The following MDN1 variants were observed in gnomAD, a reference collection of about 807,000 sequenced individuals.
MDN1 encodes midasin.
In MDN1, 266 loss-of-function variants were observed where a neutral mutation model predicts 669.2. The ratio of observed to expected loss-of-function variants is 0.40; its 90% CI spans 0.36 to 0.44. The LOEUF (loss-of-function observed/expected upper bound fraction) is 0.44, where lower values mean the gene tolerates loss of function less well. Ranked by LOEUF, MDN1 falls within the 20% of genes least tolerant of loss-of-function variation. The pLI is 1.00. For synonymous variants in MDN1, 2,385 were observed against 2,457.1 expected, an observed-to-expected ratio of 0.97 and a Z score of 0.87; for missense variants, 5,940 against 6,754.0, an observed-to-expected ratio of 0.88 and a Z score of 4.22.
intron 61 of MDN1, among the ~76,000 whole-genome samples, chr6:89,694,413 G>A (rs1384268501): frequency 1.3e-5 from 2 of 152,156 alleles, no homozygotes; most frequent in African/African-American, 4.8e-5. Flanking sequence ...TGCTATAGGA[G>A]CTTAGCCTTC....
chr6:89,802,683 A>C (rs1161209738), intron 2 of MDN1, among the ~76,000 whole-genome samples: 2 of 152,002 alleles, frequency 1.3e-5, no homozygotes, highest in Non-Finnish European at 2.9e-5. Flanking sequence ...GTGGGACTCC[A>C]TCTCACAAAA....
At chr6:89,653,230 T>G in intron 93 of MDN1, 75 bp from the exon 94 acceptor site, 2 of 1,387,624 alleles carry the variant, frequency 1.4e-6, no homozygotes, top group Non-Finnish European at 2.0e-6. Flanking sequence ...TATTGCCTGT[T>G]AATCCTGAAA....
At chr6:89,810,155 G>A (rs1023419637) in intron 1 of MDN1, among the ~76,000 whole-genome samples, 10 of 151,930 alleles carry the variant, frequency 6.6e-5, no homozygotes, top group African/African-American at 9.7e-5. Flanking sequence ...AAAAAACAAG[G>A]CCGGGTATAG....
At chr6:89,763,169 A>T (rs973974064) in intron 15 of MDN1, among the ~76,000 whole-genome samples, 2 of 152,140 alleles carry the variant, frequency 1.3e-5, no homozygotes, top group Non-Finnish European at 2.9e-5. Context: ...AACCATCCAT[A>T]TTTCATTAAG....
rs375685263 is a variant in MDN1, at chr6:89,751,444, C to A, written c.3214G>T (p.Val1072Phe). 2 of 1,614,172 alleles carry A rather than the reference C, an allele frequency of 1.2e-6. No homozygotes were observed. The highest frequency in any genetic ancestry group is 4.5e-5 in the East Asian group (2 of 44,878). Residue 1072 changes from valine to phenylalanine, a missense_variant, in exon 23 of 102, where the codon GTT (valine) becomes TTT (phenylalanine). This residue lies in a region of MDN1 where 15 missense variants were observed against 36.2 expected (regional missense o/e 0.41). Coordinates refer to ENST00000369393, the MANE Select transcript of MDN1 (RefSeq NM_014611.3). ...AAGCCCACACACCCTGCAGAGACAA[C>A]TCGGACTATATCTCTCAGGTTCAGC... ...VKLNLRDIVRVVSAGTYPVLI... is the reference protein window; with the variant it reads ...VKLNLRDIVRFVSAGTYPVLI...
chr6:89,818,209 C>T (rs190441491), intron 1 of MDN1, among the ~76,000 whole-genome samples: 1 of 148,626 alleles, frequency 6.7e-6, no homozygotes, highest in Non-Finnish European at 1.5e-5. Context: ...ATCCCAGTTA[C>T]TCGGGAGGTT....
chr6:89,674,509 T>C lies in MDN1; in HGVS notation c.12842A>G (p.Asp4281Gly), dbSNP rs35134619. 4.1e-5 allele frequency: 66 copies of C among 1,610,536 alleles called. No individual in the cohort carries two copies. The African/African-American group carries it at 6.8e-4, about 17-fold the overall frequency. Residue 4281 changes from aspartate (D) to glycine (G), a missense_variant, in exon 79 of 102, where the codon GAT becomes GGT. Around this residue, in one of 5 missense-constraint regions of MDN1, gnomAD observed 2,280 missense variants for 2,576.3 expected, o/e 0.88. Coordinates refer to ENST00000369393, the MANE Select transcript of MDN1 (RefSeq NM_014611.3). The stretch of plus-strand genomic sequence containing the variant: ...GCGCTCTGTCCACTGCTGCACGCCA[T>C]CCTGAGGGGGGAAGGCCACGGGGTA... ...QAYPVAFPPQ[D>G]GVQQWTERLQ...
chr6:89,787,788 G>A, intron 8 of MDN1, 66 bp downstream of exon 8: 1 of 1,266,314 alleles, frequency 7.9e-7, no homozygotes, highest in South Asian at 1.3e-5. Flanking sequence ...CAGGACCTCT[G>A]GCTCAGCATG....
chr6:89,674,274 T>G lies in MDN1; in HGVS notation c.13077A>C (p.Pro4359=), dbSNP rs779569730. 1 of 1,614,220 alleles carries G rather than the reference T, an allele frequency of 6.2e-7. No homozygotes were observed. The change falls in exon 79 of 102, where the codon CCA becomes CCC. Residue 4359 remains proline, a synonymous_variant. Coordinates refer to ENST00000369393, the MANE Select transcript of MDN1 (RefSeq NM_014611.3). ...GCAGCTGACTTCCAGGTATTGGAGA[T>G]GGGTAGCTCAGATTGGAAGGAATTA... is the stretch of plus-strand genomic sequence containing the variant. ...LDLIPSNLSY[P]SPIPGSQLPS...
intron 67 of MDN1, among the ~76,000 whole-genome samples, 173 bp from the exon 68 acceptor site, chr6:89,687,611 A>G (rs1193247098): frequency 3.9e-5 from 6 of 152,206 alleles, no homozygotes. Context: ...TTCTGTTCAC[A>G]TGACAGAACT....
At chr6:89,743,059 G>T in intron 31 of MDN1, 91 bp downstream of exon 31, 1 of 1,472,322 alleles carries the variant, frequency 6.8e-7, no homozygotes, top group East Asian at 2.3e-5. Flanking sequence ...TGCAGCCTGG[G>T]GTGACAGAGT....
Position 89,653,144 on chromosome 6 carries a change from T to C in MDN1, c.15673A>G (p.Met5225Val). Residue 5225 changes from methionine to valine, a missense_variant, in exon 94 of 102, where the codon ATG becomes GTG. By Grantham distance (21) the Met-to-Val change is conservative. Transcript: ENST00000369393. ...TTAACAGTTTGGATCTCCACTTCCA[T>C]CTCATCAAAGCCTATTTTCATTTAA... ...GTTAPLGFDE[M>V]EVEIQTVKTE... The C allele has an allele frequency of 6.2e-7, 1 of 1,611,566 alleles. No individual in the cohort carries two copies. Among genetic ancestry groups the C allele is most frequent in the Non-Finnish European group, 8.5e-7 (1 of 1,179,520 alleles).
chr6:89,697,427 T>A (rs527478240), intron 59 of MDN1, among the ~76,000 whole-genome samples: 1 of 152,188 alleles, frequency 6.6e-6, no homozygotes, highest in East Asian at 1.9e-4. Flanking sequence ...CTGGCATATT[T>A]GGAGGGAAAA....
At position 89,694,025 on chromosome 6, in the gene MDN1, A is replaced by G. The variant is rs1356233060; in HGVS notation, c.9881+49T>C. 4.1e-6 allele frequency: 6 copies of G among 1,453,868 alleles called. No individual in the cohort carries two copies. In the African/African-American group the frequency reaches 7.0e-5, roughly 17 times the overall value. The allele number at this position is 1,453,868 out of a possible 1,614,324, so 90.1% of individuals were successfully genotyped here. On this transcript the variant is annotated intron_variant, in intron 62 of 101. Coordinates refer to ENST00000369393, the MANE Select transcript of MDN1 (RefSeq NM_014611.3). ...CTCACACCATAACTACATTACATCA[A>G]AAGGAGAGTCAATAATCCCCAAAAC...
At chr6:89,714,837 A>G (rs1814216239) in intron 45 of MDN1, 86 bp from the exon 46 acceptor site, 1 of 1,063,262 alleles carries the variant, frequency 9.4e-7, no homozygotes, top group African/African-American at 1.6e-5. Flanking sequence ...AGTGAGGGCA[A>G]ATCCTATGTG....
In MDN1 at chr6:89,712,498, T is replaced by C. The variant is rs78837097; in HGVS notation, c.7430+77A>G. 1,625 of 1,400,020 alleles carry C rather than the reference T, an allele frequency of 1.2e-3. 30 individuals are homozygous for C. The East Asian group carries it at 0.035, about 30-fold the overall frequency. The allele number at this position is 1,400,020 out of a possible 1,614,324, so 86.7% of individuals were successfully genotyped here. On this transcript the variant is annotated intron_variant, in intron 48 of 101. Coordinates refer to ENST00000369393, the MANE Select transcript of MDN1 (RefSeq NM_014611.3). ...GGCCACAGAATGCTCCAGTTAAATA[T>C]ATTGTGTCCTGACCATTTCCAGCAA...
Position 89,672,317 on chromosome 6 carries a change from C to T in MDN1, c.13677G>A (p.Glu4559=). 6.2e-7 allele frequency: 1 copy of T among 1,612,956 alleles called. No individual in the cohort carries two copies. The highest frequency in any genetic ancestry group is 8.5e-7 in the Non-Finnish European group (1 of 1,179,778). Residue 4559 remains glutamate, a synonymous_variant, in exon 82 of 102, where the codon GAG becomes GAA. Coordinates refer to ENST00000369393, the MANE Select transcript of MDN1 (RefSeq NM_014611.3). The stretch of plus-strand genomic sequence containing the variant: ...TGCTCACATCGGCCCAGAAGTCATC[C>T]TCTAAGAGTTTTGTTAGATGTCCTG... The part of the protein sequence containing the change: ...LQSGHLTKLL[E]DDFWADVSTL...
At chr6:89,798,068 G>A (rs996792252) in intron 2 of MDN1, among the ~76,000 whole-genome samples, 1 of 151,634 alleles carries the variant, frequency 6.6e-6, no homozygotes, top group African/African-American at 2.4e-5. Context: ...TGTAGTCCCA[G>A]CTACTCAGGA....
In MDN1 at chr6:89,762,463, G is replaced by C. The variant is rs1165622424; in HGVS notation, c.2212C>G (p.Gln738Glu). 9.3e-6 allele frequency: 15 copies of C among 1,613,992 alleles called. No individual in the cohort carries two copies. Among genetic ancestry groups the C allele is most frequent in the Non-Finnish European group, 1.3e-5 (15 of 1,179,998 alleles). ...LREAFEELFA[Q>E]TFSKKQNFTF... Reference sequence around the variant, plus strand: ...AAGTTTTGTTTCTTGGAAAATGTCTGAGCAAAGAGTTCCTCAAATGCCTCC... The same window carrying C: ...AAGTTTTGTTTCTTGGAAAATGTCTCAGCAAAGAGTTCCTCAAATGCCTCC... Residue 738 changes from glutamine (Q) to glutamate (E), a missense_variant, in exon 16 of 102, where the codon CAG becomes GAG. By Grantham distance (29) the Gln-to-Glu change is conservative (BLOSUM62 2). Coordinates refer to ENST00000369393, the MANE Select transcript of MDN1 (RefSeq NM_014611.3).
Sources: gnomAD v4.1 joint callset for allele counts (sites outside exome capture counted in the v4.1 genomes callset) on GRCh38, gnomAD v4.1.1 for gene constraint, gnomAD v4.1.1 regional missense constraint, MANE v1.5 for transcripts, NCBI Gene and HGNC (gene_info 2026-07-23, HGNC 2026-07-21) for gene names.